The following TAOK3 variants were observed in gnomAD, a reference collection of about 807,000 sequenced individuals.
The protein encoded by TAOK3 is TAO kinase 3, also known as serine/threonine-protein kinase TAO3.
In TAOK3, 40 loss-of-function variants were observed where a neutral mutation model predicts 120.4. The ratio of observed to expected loss-of-function variants is 0.33; its 90% CI spans 0.26 to 0.43. The LOEUF is 0.43. Among genes scored for constraint, TAOK3 ranks in the 20% least tolerant of loss-of-function variants. The pLI is 1.00. For synonymous variants in TAOK3, 355 were observed against 387.5 expected (o/e 0.92, Z 0.99); for missense variants, 821 against 1,112.1 (o/e 0.74, Z 3.72).
intron 1 of TAOK3, among the ~76,000 whole-genome samples, chr12:118,323,105 G>C (rs1048087744): frequency 6.6e-6 from 1 of 152,056 alleles, no homozygotes; most frequent in Non-Finnish European, 1.5e-5. Flanking sequence ...TGATCTGGAA[G>C]AATAAACATC....
In TAOK3 at chr12:118,244,473, G is replaced by GA. The variant is rs35051232; in HGVS notation, c.192+420dup. ...CTTTTATTATATGCTCCACAAGAAG[G>GA]AAAAAAAAATTGTTCTAAAAAAAAG... On this transcript the variant is annotated intron_variant, in intron 4 of 20. Transcript: ENST00000392533. Among the ~76,000 whole-genome samples, 25 of 146,528 alleles carry GA rather than the reference G, an allele frequency of 1.7e-4. No homozygotes were observed. The East Asian group carries it at 3.7e-3, about 22-fold the overall frequency.
intron 1 of TAOK3, among the ~76,000 whole-genome samples, chr12:118,333,979 T>C (rs1267938353): frequency 2.0e-5 from 3 of 150,988 alleles, no homozygotes; most frequent in Admixed American, 2.0e-4. Flanking sequence ...CTACTAAAAA[T>C]ACAAAATTAG....
intron 14 of TAOK3, among the ~76,000 whole-genome samples, chr12:118,182,063 T>TAATCC (rs1306802512): frequency 2.6e-5 from 4 of 151,952 alleles, no homozygotes; most frequent in African/African-American, 9.7e-5. Flanking sequence ...TGGGCACCTG[T>TAATCC]AATCCTAGTT....
At chr12:118,249,408 G>C (rs1024919828) in intron 3 of TAOK3, among the ~76,000 whole-genome samples, 2 of 151,888 alleles carry the variant, frequency 1.3e-5, no homozygotes, top group African/African-American at 4.8e-5. Context: ...CTAAAAATAT[G>C]AAAATTAGCA....
intron 2 of TAOK3, among the ~76,000 whole-genome samples, chr12:118,258,045 G>A (rs1295511194): frequency 6.6e-6 from 1 of 152,136 alleles, no homozygotes; most frequent in Non-Finnish European, 1.5e-5. Flanking sequence ...ATTATAGGAT[G>A]ACTCAGCCTG....
chr12:118,204,426 A>T (rs973986269), intron 11 of TAOK3, among the ~76,000 whole-genome samples: 9 of 152,204 alleles, frequency 5.9e-5, no homozygotes, highest in Non-Finnish European at 1.2e-4. Flanking sequence ...ATAAAAAATA[A>T]TAGGGCCCTT....
intron 1 of TAOK3, among the ~76,000 whole-genome samples, chr12:118,358,034 TCA>T (rs1488372779): frequency 6.6e-6 from 1 of 152,224 alleles, no homozygotes; most frequent in Non-Finnish European, 1.5e-5. Context: ...GATATGACAG[TCA>T]CATGTTAGCC....
At chr12:118,189,165 G>C (rs2037263427) in intron 14 of TAOK3, among the ~76,000 whole-genome samples, 1 of 152,158 alleles carries the variant, frequency 6.6e-6, no homozygotes, top group Admixed American at 6.5e-5. Context: ...TTCTTCAGGG[G>C]TTAAATGGGG....
At chr12:118,304,440 G>A (rs2140750769) in intron 1 of TAOK3, among the ~76,000 whole-genome samples, 1 of 152,232 alleles carries the variant, frequency 6.6e-6, no homozygotes, top group Admixed American at 6.5e-5. Context: ...AATTGGTGCT[G>A]AATTATTAAT....
intron 1 of TAOK3, among the ~76,000 whole-genome samples, chr12:118,352,774 G>A (rs960630876): frequency 6.6e-6 from 1 of 152,124 alleles, no homozygotes; most frequent in East Asian, 1.9e-4. Context: ...GCTGTGGCAC[G>A]ATCTTGGCTC....
At chr12:118,340,862 G>A (rs1348519450) in intron 1 of TAOK3, among the ~76,000 whole-genome samples, 1 of 151,844 alleles carries the variant, frequency 6.6e-6, no homozygotes, top group African/African-American at 2.4e-5. Flanking sequence ...AGGACTGCTT[G>A]AGCACAGGTA....
At chr12:118,179,025 C>A (rs2036526133) in intron 15 of TAOK3, among the ~76,000 whole-genome samples, 1 of 152,174 alleles carries the variant, frequency 6.6e-6, no homozygotes, top group Non-Finnish European at 1.5e-5. Context: ...CCATTATGAA[C>A]AATTCTCACA....
At chr12:118,364,535 C>G (rs1376308565) in intron 1 of TAOK3, among the ~76,000 whole-genome samples, 1 of 152,108 alleles carries the variant, frequency 6.6e-6, no homozygotes, top group Non-Finnish European at 1.5e-5. Context: ...TGGAAAAAGT[C>G]AGGAGCCAGC....
At chr12:118,356,295 CTTTTTTTTT>C (rs949021724) in intron 1 of TAOK3, among the ~76,000 whole-genome samples, 2 of 109,302 alleles carry the variant, frequency 1.8e-5, no homozygotes, top group South Asian at 3.0e-4. Flanking sequence ...TGGTCACTTT[CTTTTTTTTT>C]TTTTTTTTTT....
chr12:118,229,674 G>C (rs1412399547), intron 9 of TAOK3, among the ~76,000 whole-genome samples: 2 of 152,122 alleles, frequency 1.3e-5, no homozygotes, highest in Non-Finnish European at 2.9e-5. Flanking sequence ...GCTCACGCCT[G>C]TAATCCCAGC....
intron 17 of TAOK3, among the ~76,000 whole-genome samples, chr12:118,168,105 C>A (rs986362962): frequency 6.6e-6 from 1 of 151,864 alleles, no homozygotes; most frequent in East Asian, 1.9e-4. Context: ...TAGAAAAAAA[C>A]CTAGAAATAT....
At position 118,181,438 on chromosome 12, in the gene TAOK3, T is replaced by A. The variant is rs2036717578; in HGVS notation, c.1499A>T (p.His500Leu). 6.2e-7 allele frequency: 1 copy of A among 1,614,202 alleles called. No individual in the cohort carries two copies. Among genetic ancestry groups the A allele is most frequent in the South Asian group, 1.1e-5 (1 of 91,082 alleles). ...CAGCTCGATGGACGAGTTGTTGGCA[T>A]GCGTCTCCACCTCCTTCTGTAGCTT... ...RLKLQKEVET[H>L]ANNSSIELEK... is the part of the protein sequence containing the mutation. Residue 500 changes from histidine (H) to leucine (L), a missense_variant, in exon 15 of 21, where the codon CAT becomes CTT. This residue lies in a region of TAOK3 where 354 missense variants were observed against 572.1 expected (regional missense o/e 0.62). Transcript: ENST00000392533.
intron 1 of TAOK3, among the ~76,000 whole-genome samples, chr12:118,341,408 A>AT (rs76059487): frequency 0.28 from 42,000 of 151,750 alleles, 6,838 homozygotes; most frequent in African/African-American, 0.46. Context: ...CTTTTATTCC[A>AT]TTTTTTTCTA....
intron 1 of TAOK3, among the ~76,000 whole-genome samples, chr12:118,303,358 A>G (rs1248570578): frequency 1.3e-5 from 2 of 152,052 alleles, no homozygotes; most frequent in Non-Finnish European, 2.9e-5. Flanking sequence ...CAGGATTTTC[A>G]ATCTGTTTTG....
Sources: gnomAD v4.1 joint callset for allele counts (sites outside exome capture counted in the v4.1 genomes callset) on GRCh38, gnomAD v4.1.1 for gene constraint, gnomAD v4.1.1 regional missense constraint, MANE v1.5 for transcripts, NCBI Gene and HGNC (gene_info 2026-07-23, HGNC 2026-07-21) for gene names.